ZNF662: variants seen among roughly 807,000 people sequenced by gnomAD.
ZNF662 encodes zinc finger protein 662.
ZNF662 carries 14 observed loss-of-function variants against 12.4 expected under a neutral mutation model. The ratio of observed to expected loss-of-function variants is 1.13; its 90% CI spans 0.75 to 1.77. The LOEUF (loss-of-function observed/expected upper bound fraction) is 1.77. Among genes scored for constraint, ZNF662 ranks in the 40% most tolerant of loss-of-function variants. The pLI is 0.00. For synonymous variants in ZNF662, 184 were observed against 176.4 expected, an observed-to-expected ratio of 1.04 and a Z score of -0.34; for missense variants, 550 against 515.6, an observed-to-expected ratio of 1.07 and a Z score of -0.65.
chr3:42,912,669 TTTTATATATATAAATATATATATA>T (rs2088831461), intron 3 of ZNF662, among the ~76,000 whole-genome samples: 14 of 54,248 alleles, frequency 2.6e-4, no homozygotes, highest in Middle Eastern at 0.011. Flanking sequence ...TATATATATT[TTTTATATATATAAATATATATATA>T]TTTTATATAT....
rs1320973943 is a variant in ZNF662, at chr3:42,917,996, C to T, written c.*2642C>T. ...TGGCACATGCCAGTAATCTCAGCTA[C>T]TCAGGAGGCTGAGGCAGGAGAATTG... is the stretch of plus-strand genomic sequence containing the variant. On this transcript the variant is annotated 3_prime_UTR_variant, in exon 5 of 5. Transcript: ENST00000440367. Among the ~76,000 whole-genome samples, 2 of 152,220 alleles carry T rather than the reference C, an allele frequency of 1.3e-5. No individual in the cohort carries two copies. The highest frequency in any genetic ancestry group is 1.9e-4 in the East Asian group (1 of 5,186).
At chr3:42,912,671 T>TTTA (rs2088832002) in intron 3 of ZNF662, among the ~76,000 whole-genome samples, 1 of 46,078 alleles carries the variant, frequency 2.2e-5, no homozygotes, top group African/African-American at 9.6e-5. Context: ...TATATATTTT[T>TTTA]TATATATATA....
In ZNF662 at chr3:42,915,247, G is replaced by T; in HGVS notation, c.1174G>T (p.Asp392Tyr). ...HTGERPYKCN[D>Y]CGKAFSQNSV... is the part of the protein sequence containing the mutation. ...TGGGGAAAGACCCTATAAATGTAATGACTGTGGGAAGGCCTTCAGTCAGAA... is the reference window on the plus strand; with the variant it reads ...TGGGGAAAGACCCTATAAATGTAATTACTGTGGGAAGGCCTTCAGTCAGAA... Residue 392 changes from aspartate (D) to tyrosine (Y), a missense_variant, in exon 5 of 5, where the codon GAC (aspartate) becomes TAC (tyrosine). By Grantham distance (160) the Asp-to-Tyr change is radical. Coordinates refer to ENST00000440367, the MANE Select transcript of ZNF662 (RefSeq NM_207404.4). The T allele has an allele frequency of 6.2e-7, 1 of 1,614,120 alleles. No individual in the cohort carries two copies. Among genetic ancestry groups the T allele is most frequent in the African/African-American group, 1.3e-5 (1 of 75,056 alleles).
chr3:42,909,262 TG>T (rs558347719), intron 3 of ZNF662, among the ~76,000 whole-genome samples: 158 of 152,250 alleles, frequency 1.0e-3, no homozygotes, highest in Middle Eastern at 6.8e-3. Context: ...GGAGTGGTGA[TG>T]ACTCTTAACG....
chr3:42,909,003 A>G (rs2088727068), intron 3 of ZNF662, 94 bp downstream of exon 3: 1 of 780,532 alleles, frequency 1.3e-6, no homozygotes, highest in South Asian at 1.8e-5. Flanking sequence ...CTAGTGTTGT[A>G]GACACTAGTG....
At chr3:42,907,577 C>T (rs933082385) in intron 1 of ZNF662, 2 of 666,296 alleles carry the variant, frequency 3.0e-6, no homozygotes, top group South Asian at 6.7e-5. Context: ...TCTCAGTTTC[C>T]TCTTCTAAAA....
intron 3 of ZNF662, among the ~76,000 whole-genome samples, chr3:42,911,030 G>A (rs892176452): frequency 6.6e-6 from 1 of 152,186 alleles, no homozygotes; most frequent in Non-Finnish European, 1.5e-5. Flanking sequence ...GTTGTAAGGT[G>A]ATTGGTGGTA....
chr3:42,914,278 C>CT, intron 4 of ZNF662, 49 bp from the exon 5 acceptor site: 1 of 1,486,372 alleles, frequency 6.7e-7, no homozygotes, highest in Non-Finnish European at 9.1e-7. Flanking sequence ...ACCTTAGTCG[C>CT]TGTGTCATGG....
chr3:42,908,060 T>C lies in ZNF662; in HGVS notation c.-55T>C. On this transcript the variant is annotated 5_prime_UTR_variant, in exon 2 of 5. Transcript: ENST00000440367. The stretch of plus-strand genomic sequence containing the variant: ...TCGAGGATGTGGCCGTCTACTTCTC[T>C]GAGAACGAATGGATCGGCCTGGGCC... The C allele has an allele frequency of 6.2e-7, 1 of 1,614,200 alleles. No individual in the cohort carries two copies. The highest frequency in any genetic ancestry group is 8.5e-7 in the Non-Finnish European group (1 of 1,180,022).
chr3:42,912,687 A>ATGTATATTTT (rs2088834445), intron 3 of ZNF662, among the ~76,000 whole-genome samples: 1 of 19,436 alleles, frequency 5.1e-5, no homozygotes, highest in Non-Finnish European at 1.3e-4. Context: ...ATATAAATAT[A>ATGTATATTTT]TATATATTTT....
At position 42,917,104 on chromosome 3, in the gene ZNF662, AAAC is replaced by A. The variant is rs1432854889; in HGVS notation, c.*1755_*1757del. On this transcript the variant is annotated 3_prime_UTR_variant, in exon 5 of 5. Coordinates refer to ENST00000440367, the MANE Select transcript of ZNF662 (RefSeq NM_207404.4). ...TCTACTTGAAATCAGGAGTTTTATA[AAAC>A]AACATTTTTAGACGTGGTCATCTTT... is the stretch of plus-strand genomic sequence containing the variant. 2.6e-5 allele frequency: 5 copies of A among 189,396 alleles called. No homozygotes were observed. The highest frequency in any genetic ancestry group is 1.2e-4 in the African/African-American group (5 of 42,930). 11.7% of individuals were successfully genotyped at this position (189,396 alleles called of 1,614,324 possible).
At chr3:42,911,345 C>T (rs2088787178) in intron 3 of ZNF662, among the ~76,000 whole-genome samples, 1 of 152,162 alleles carries the variant, frequency 6.6e-6, no homozygotes, top group African/African-American at 2.4e-5. Context: ...CAGCCCCCTA[C>T]AAAGGGCATA....
intron 4 of ZNF662, among the ~76,000 whole-genome samples, chr3:42,913,942 A>G (rs1559382046): frequency 6.6e-6 from 1 of 152,154 alleles, no homozygotes; most frequent in East Asian, 1.9e-4. Flanking sequence ...GTTCTCAGGT[A>G]TACCACTAAG....
chr3:42,914,841 C>G lies in ZNF662; in HGVS notation c.768C>G (p.Ala256=), dbSNP rs1559382585. The G allele has an allele frequency of 1.9e-6, 3 of 1,613,958 alleles. No homozygotes were observed. Among genetic ancestry groups the G allele is most frequent in the Admixed American group, 3.3e-5 (2 of 60,004 alleles). ...ATGAATGTCAAGAATGTGCTAAGGC[C>G]TTTGTTTGGAAGTCAAACCTGATTC... ...KPYECQECAK[A]FVWKSNLIRH... is the part of the protein sequence containing the mutation. Residue 256 remains alanine, a synonymous_variant, in exon 5 of 5, where the codon GCC becomes GCG. Coordinates refer to ENST00000440367, the MANE Select transcript of ZNF662 (RefSeq NM_207404.4).
chr3:42,908,922 A>T lies in ZNF662; in HGVS notation c.151+13A>T. On this transcript the variant is annotated intron_variant, in intron 3 of 4. Coordinates refer to ENST00000440367, the MANE Select transcript of ZNF662 (RefSeq NM_207404.4). ...GGCATCTCCTCAGGTGAGTGAGGGC[A>T]CACGTGCCGGTCATCTGACCAGTTT... is the stretch of plus-strand genomic sequence containing the variant. 1 of 1,584,546 alleles carries T rather than the reference A, an allele frequency of 6.3e-7. No individual in the cohort carries two copies. Among genetic ancestry groups the T allele is most frequent in the Non-Finnish European group, 8.7e-7 (1 of 1,155,998 alleles).
chr3:42,912,653 A>AAT (rs74216350), intron 3 of ZNF662, among the ~76,000 whole-genome samples: 1 of 46,178 alleles, frequency 2.2e-5, no homozygotes, highest in Non-Finnish European at 4.1e-5. Context: ...TATATATATA[A>AAT]ATATATATAT....
At position 42,914,356 on chromosome 3, in the gene ZNF662, T is replaced by C. The variant is rs139904945; in HGVS notation, c.283T>C (p.Phe95Leu). Residue 95 changes from phenylalanine (F) to leucine (L), a missense_variant, in exon 5 of 5, where the codon TTT becomes CTT. Phe to Leu is a conservative substitution (Grantham distance 22). Coordinates refer to ENST00000440367, the MANE Select transcript of ZNF662 (RefSeq NM_207404.4). ...TGTGTTGAAGAGGAAGAAAGAAGAT[T>C]TTATTCTGAAGGAGGAAATTATTGA... ...EGVLKRKKED[F>L]ILKEEIIEEA... 1.9e-6 allele frequency: 3 copies of C among 1,604,786 alleles called. No homozygotes were observed. The highest frequency in any genetic ancestry group is 2.5e-6 in the Non-Finnish European group (3 of 1,177,524).
At position 42,906,301 on chromosome 3, in the gene ZNF662, C is replaced by T. The variant is rs9832875; in HGVS notation, c.-94+133C>T. On this transcript the variant is annotated intron_variant, in intron 1 of 4. Transcript: ENST00000440367. The surrounding 1 kb of genome is among the most constrained non-coding windows in gnomAD (Gnocchi z 4.4). ...GAGCGCTCTTCCGCGACCCCAACAG[C>T]CTCTGGTCCGGTCTGGCGCGCCCTC... is the stretch of plus-strand genomic sequence containing the variant. 260,277 of 1,506,786 alleles carry T rather than the reference C, an allele frequency of 0.17. 23,934 individuals are homozygous for T. The highest frequency in any genetic ancestry group is 0.19 in the Non-Finnish European group (211,761 of 1,126,792). 93.3% of individuals were successfully genotyped at this position (1,506,786 alleles called of 1,614,324 possible). A position where few individuals can be genotyped will look rare whatever the true frequency, so the allele number is the denominator to read the frequency against.
In ZNF662 at chr3:42,916,639, C is replaced by CA. The variant is rs1294349514; in HGVS notation, c.*1286dup. The CA allele has an allele frequency of 1.2e-4, 19 of 152,366 alleles. No homozygotes were observed. The highest frequency in any genetic ancestry group is 4.6e-4 in the African/African-American group (19 of 41,570). The allele number at this position is 152,366 out of a possible 1,614,324, so 9.4% of individuals were successfully genotyped here. A position where few individuals can be genotyped will look rare whatever the true frequency, so the allele number is the denominator to read the frequency against. On this transcript the variant is annotated 3_prime_UTR_variant, in exon 5 of 5. Transcript: ENST00000440367. ...TCGGCCTCCCAAAGTGCTGGGATTACAGGCCTCAGCTACCACGCCTGGCCA... is the reference window on the plus strand; with the variant it reads ...TCGGCCTCCCAAAGTGCTGGGATTACAAGGCCTCAGCTACCACGCCTGGCCA...
Sources: allele counts gnomAD v4.1 joint callset (sites outside exome capture counted in the v4.1 genomes callset), GRCh38; gene constraint gnomAD v4.1.1; non-coding constraint Gnocchi (gnomAD v3.1); transcripts MANE v1.5; gene names NCBI Gene and HGNC (gene_info 2026-07-23, HGNC 2026-07-21).